The following MTA3 variants were observed in gnomAD, a reference collection of about 807,000 sequenced individuals.
The protein encoded by MTA3 is metastasis associated 1 family member 3.
A neutral mutation model predicts 83.5 loss-of-function variants in MTA3; 34 were observed. That is an observed-to-expected ratio of 0.41 (90% CI 0.31 to 0.54). MTA3 has a LOEUF of 0.54. Ranked by LOEUF, MTA3 falls within the 20% of genes least tolerant of loss-of-function variation. The pLI is 0.33. For missense variants in MTA3, 761 were observed against 726.4 expected, an observed-to-expected ratio of 1.05 and a Z score of -0.55; for synonymous variants, 303 against 252.7, an observed-to-expected ratio of 1.20 and a Z score of -1.89.
intron 3 of MTA3, among the ~76,000 whole-genome samples, chr2:42,605,171 C>A (rs1481611310): frequency 6.9e-6 from 1 of 145,352 alleles, no homozygotes; most frequent in Admixed American, 6.7e-5. Flanking sequence ...CGGGCAGAGG[C>A]GCCCCTCACC....
chr2:42,518,096 G>A (rs1028547227), intron 2 of MTA3, among the ~76,000 whole-genome samples: 3 of 151,870 alleles, frequency 2.0e-5, no homozygotes, highest in Admixed American at 6.6e-5. Flanking sequence ...CAGGAGAATC[G>A]CTTGAACCCG....
intron 2 of MTA3, among the ~76,000 whole-genome samples, chr2:42,546,154 C>G (rs1676750120): frequency 6.6e-6 from 1 of 152,114 alleles, no homozygotes. Flanking sequence ...TTAACTTCAG[C>G]TAACAGCAAT....
chr2:42,717,782 G>T (rs1179760676), intron 14 of MTA3, among the ~76,000 whole-genome samples: 1 of 152,188 alleles, frequency 6.6e-6, no homozygotes, highest in Non-Finnish European at 1.5e-5. Context: ...ATTGAGTTTT[G>T]CCAAGATAGG....
chr2:42,677,934 G>A (rs1237235991), intron 8 of MTA3, among the ~76,000 whole-genome samples: 1 of 152,118 alleles, frequency 6.6e-6, no homozygotes, highest in Non-Finnish European at 1.5e-5. Flanking sequence ...ACCACAGTTG[G>A]CTACGGGTAA....
At chr2:42,740,161 A>G (rs569300913) in intron 16 of MTA3, among the ~76,000 whole-genome samples, 14 of 152,252 alleles carry the variant, frequency 9.2e-5, no homozygotes, top group Non-Finnish European at 2.1e-4. Context: ...AGGAATCATT[A>G]TCTATGGCAG....
chr2:42,592,542 C>T (rs1257476737), intron 3 of MTA3, among the ~76,000 whole-genome samples: 1 of 152,134 alleles, frequency 6.6e-6, no homozygotes, highest in African/African-American at 2.4e-5. Context: ...TGTGTTTGCA[C>T]CAGTGCACAC....
chr2:42,696,040 G>A (rs962625945), intron 10 of MTA3, among the ~76,000 whole-genome samples: 9 of 152,160 alleles, frequency 5.9e-5, no homozygotes, highest in Admixed American at 5.9e-4. Context: ...CATGAATTAT[G>A]ATAAATATTT....
At chr2:42,642,372 G>A (rs1208024587) in intron 5 of MTA3, among the ~76,000 whole-genome samples, 1 of 151,928 alleles carries the variant, frequency 6.6e-6, no homozygotes, top group African/African-American at 2.4e-5. Flanking sequence ...AAATCTGATG[G>A]TGGCTTCATG....
At chr2:42,653,238 T>C (rs1688873444) in intron 6 of MTA3, among the ~76,000 whole-genome samples, 1 of 152,158 alleles carries the variant, frequency 6.6e-6, no homozygotes, top group East Asian at 1.9e-4. Context: ...ATGGTCTGTG[T>C]TTTTTGATGA....
chr2:42,711,531 A>T (rs1034429902), intron 14 of MTA3, among the ~76,000 whole-genome samples: 2 of 152,116 alleles, frequency 1.3e-5, no homozygotes, highest in African/African-American at 4.8e-5. Context: ...TTCTTAAATA[A>T]TTTTACCTTG....
intron 3 of MTA3, among the ~76,000 whole-genome samples, chr2:42,594,729 T>TA (rs1491154379): frequency 0.021 from 397 of 19,066 alleles, 2 homozygotes; most frequent in Non-Finnish European, 0.026. Context: ...TATATATATA[T>TA]TTTTTTTTTT....
At chr2:42,738,016 C>T (rs1452049724) in intron 16 of MTA3, among the ~76,000 whole-genome samples, 1 of 152,174 alleles carries the variant, frequency 6.6e-6, no homozygotes, top group Non-Finnish European at 1.5e-5. Context: ...AATCCCAACA[C>T]TTTGGGAGGC....
intron 3 of MTA3, among the ~76,000 whole-genome samples, chr2:42,598,992 C>A (rs1363779198): frequency 1.3e-5 from 2 of 152,168 alleles, no homozygotes; most frequent in Non-Finnish European, 2.9e-5. Context: ...AGCCTTAGTT[C>A]ACTCTGCCCC....
chr2:42,570,399 G>T, intron 1 of MTA3, 38 bp from the exon 2 acceptor site: 1 of 1,316,912 alleles, frequency 7.6e-7, no homozygotes, highest in Non-Finnish European at 1.0e-6. Flanking sequence ...TGAACTTTCT[G>T]TTAAAAAGAT....
intron 16 of MTA3, among the ~76,000 whole-genome samples, chr2:42,752,987 C>T (rs545709277): frequency 1.3e-5 from 2 of 150,826 alleles, no homozygotes; most frequent in African/African-American, 2.4e-5. Flanking sequence ...TGCCGTGGTG[C>T]GACCACAGCT....
In MTA3 at chr2:42,596,267, CCCAA is replaced by C. The variant is rs1196696477; in HGVS notation, c.191-13186_191-13183del. Among the ~76,000 whole-genome samples, 5 of 152,312 alleles carry C rather than the reference CCCAA, an allele frequency of 3.3e-5. No homozygotes were observed. The East Asian group carries it at 9.7e-4, about 29-fold the overall frequency. ...TGCTACTCTCCTTTTGCAGCCAGGG[CCCAA>C]CCAAGATACTGAGTCCTTACTCTGC... On this transcript the variant is annotated intron_variant, in intron 3 of 16. Transcript: ENST00000405094.
intron 2 of MTA3, among the ~76,000 whole-genome samples, chr2:42,553,017 C>T (rs903585648): frequency 2.0e-5 from 3 of 151,806 alleles, no homozygotes; most frequent in Non-Finnish European, 4.4e-5. Flanking sequence ...TGGCTCACAC[C>T]TATAATCCCA....
intron 9 of MTA3, among the ~76,000 whole-genome samples, chr2:42,692,754 G>T (rs1235298694): frequency 6.6e-6 from 1 of 152,154 alleles, no homozygotes; most frequent in African/African-American, 2.4e-5. Flanking sequence ...TGTCTGAAAG[G>T]TCACATGTCT....
At chr2:42,606,965 A>G (rs902333551) in intron 3 of MTA3, among the ~76,000 whole-genome samples, 1 of 150,614 alleles carries the variant, frequency 6.6e-6, no homozygotes, top group Non-Finnish European at 1.5e-5. Flanking sequence ...GGCATTCGGC[A>G]GACTGAGGCA....
Sources: allele counts gnomAD v4.1 joint callset (sites outside exome capture counted in the v4.1 genomes callset), GRCh38; gene constraint gnomAD v4.1.1; transcripts MANE v1.5; gene names NCBI Gene and HGNC (gene_info 2026-07-23, HGNC 2026-07-21).